Variants in TTC27 observed in about 807,000 individuals in gnomAD.
TTC27 encodes the protein tetratricopeptide repeat protein 27.
TTC27 carries 79 observed loss-of-function variants against 115.9 expected under a neutral mutation model. That is an observed-to-expected ratio of 0.68 (90% confidence interval 0.57 to 0.82). The LOEUF is 0.82. TTC27 is among the 40% of genes least tolerant of loss of function. TTC27 has a pLI of 0.00. For missense variants in TTC27, 1,054 were observed against 993.1 expected, an observed-to-expected ratio of 1.06 and a Z score of -0.82; for synonymous variants, 401 against 356.0, an observed-to-expected ratio of 1.13 and a Z score of -1.42.
intron 8 of TTC27, among the ~76,000 whole-genome samples, chr2:32,677,136 C>A (rs1666238803): frequency 6.6e-6 from 1 of 152,062 alleles, no homozygotes; most frequent in African/African-American, 2.4e-5. Flanking sequence ...AAAGTGGTAT[C>A]TTATAATAAA....
chr2:32,692,671 A>G (rs1666855436), intron 9 of TTC27, among the ~76,000 whole-genome samples: 1 of 152,116 alleles, frequency 6.6e-6, no homozygotes, highest in South Asian at 2.1e-4. Context: ...GATTTATGAG[A>G]TCTCTATACT....
intron 16 of TTC27, among the ~76,000 whole-genome samples, chr2:32,790,308 TTA>T (rs1670492881): frequency 1.3e-5 from 2 of 152,132 alleles, no homozygotes; most frequent in African/African-American, 4.8e-5. Context: ...CATGCTTATT[TTA>T]ATACAGACAT....
At chr2:32,669,613 G>T (rs528683547) in intron 7 of TTC27, among the ~76,000 whole-genome samples, 1 of 152,110 alleles carries the variant, frequency 6.6e-6, no homozygotes, top group Non-Finnish European at 1.5e-5. Flanking sequence ...GGCCCGGTGT[G>T]GTGGCTCACG....
chr2:32,700,977 T>A (rs1667165596), intron 9 of TTC27, among the ~76,000 whole-genome samples: 2 of 152,246 alleles, frequency 1.3e-5, no homozygotes, highest in Non-Finnish European at 2.9e-5. Flanking sequence ...AAATTCATTC[T>A]TTTTGTAGAT....
At chr2:32,789,832 G>A (rs220657) in intron 16 of TTC27, among the ~76,000 whole-genome samples, 98,493 of 149,242 alleles carry the variant, frequency 0.66, 33,248 homozygotes, top group African/African-American at 0.81. Context: ...AGGTGGGAGG[G>A]TTCCCTGAGG....
chr2:32,767,840 C>T (rs986204951), intron 13 of TTC27, among the ~76,000 whole-genome samples: 1 of 152,142 alleles, frequency 6.6e-6, no homozygotes, highest in Non-Finnish European at 1.5e-5. Context: ...TTACCAGGTA[C>T]ATCAGTATAC....
intron 5 of TTC27, among the ~76,000 whole-genome samples, chr2:32,658,173 A>G (rs941651563): frequency 3.8e-4 from 58 of 152,278 alleles, no homozygotes; most frequent in African/African-American, 1.3e-3. Context: ...CTTAGGCTGG[A>G]GTGCAGTGGT....
intron 8 of TTC27, among the ~76,000 whole-genome samples, chr2:32,672,668 A>T (rs1220816390): frequency 6.6e-6 from 1 of 152,252 alleles, no homozygotes; most frequent in East Asian, 1.9e-4. Context: ...GACAAATGAG[A>T]ATGACTATTT....
intron 6 of TTC27, among the ~76,000 whole-genome samples, chr2:32,666,303 T>C: frequency 6.6e-6 from 1 of 152,072 alleles, no homozygotes; most frequent in Non-Finnish European, 1.5e-5. Context: ...TTTGTTTCTG[T>C]CATCTGTGAA....
rs1158508588 is a variant in TTC27 at position 32,708,304 on chromosome 2, G to GTTTTTTTTTTTTTTT, written c.1233+5392_1233+5406dup. ...AATAGCGTTTTCTTTTCTCTACCTT[G>GTTTTTTTTTTTTTTT]TTTTTTTTTTTTTTTTTTTTTTAAT... On this transcript the variant is annotated intron_variant, in intron 10 of 19. Transcript: ENST00000317907. Among the ~76,000 whole-genome samples the GTTTTTTTTTTTTTTT allele has an allele frequency of 4.0e-3, 248 of 61,348 alleles. 35 individuals are homozygous for GTTTTTTTTTTTTTTT. Among genetic ancestry groups the GTTTTTTTTTTTTTTT allele is most frequent in the Non-Finnish European group, 5.0e-3 (162 of 32,164 alleles). The allele number at this position is 61,348 out of a possible 152,430, so 40.2% of individuals were successfully genotyped here. A position where few individuals can be genotyped will look rare whatever the true frequency, so the allele number is the denominator to read the frequency against.
At chr2:32,770,222 G>A (rs971631161) in intron 13 of TTC27, among the ~76,000 whole-genome samples, 2 of 152,122 alleles carry the variant, frequency 1.3e-5, no homozygotes, top group African/African-American at 4.8e-5. Context: ...TCAGTGCCAG[G>A]TACTGTTCTA....
At chr2:32,806,640 G>C (rs1047239884) in intron 16 of TTC27, among the ~76,000 whole-genome samples, 1 of 152,050 alleles carries the variant, frequency 6.6e-6, no homozygotes, top group Non-Finnish European at 1.5e-5. Context: ...AAATTAGCCG[G>C]GCATGGTGGC....
At chr2:32,662,056 T>A (rs1168997491) in intron 5 of TTC27, among the ~76,000 whole-genome samples, 2 of 152,190 alleles carry the variant, frequency 1.3e-5, no homozygotes, top group Non-Finnish European at 2.9e-5. Context: ...TCTGTTTATG[T>A]GATGGATTAT....
rs539873450 is a variant in TTC27, at chr2:32,645,777, C to T, written c.538-4354C>T. On this transcript the variant is annotated intron_variant, in intron 4 of 19. Coordinates refer to ENST00000317907, the MANE Select transcript of TTC27 (RefSeq NM_017735.5). ...TGTCGCCCAGGCTGGAGTGCAGTGG[C>T]GTGATCTCAGCTCAGTGCAACCTCC... Among the ~76,000 whole-genome samples the T allele has an allele frequency of 2.0e-4, 30 of 146,382 alleles. No individual in the cohort carries two copies. The East Asian group carries it at 4.5e-3, about 22-fold the overall frequency.
Position 32,746,955 on chromosome 2 carries a change from T to TA in TTC27, c.1452+10140dup, listed in dbSNP as rs1668854148. On this transcript the variant is annotated intron_variant, in intron 12 of 19. Transcript: ENST00000317907. Reference sequence around the variant, plus strand: ...AGATCTCAGGGAGAAAGAATTAACTTATCTAACACAAAAATGTGGGATAGA... The same window carrying TA: ...AGATCTCAGGGAGAAAGAATTAACTTAATCTAACACAAAAATGTGGGATAGA... 2.0e-5 allele frequency among the ~76,000 whole-genome samples: 3 copies of TA among 152,212 alleles called. No individual in the cohort carries two copies. The South Asian group carries it at 6.2e-4, about 32-fold the overall frequency.
intron 12 of TTC27, among the ~76,000 whole-genome samples, chr2:32,749,357 C>T (rs929536414): frequency 1.3e-5 from 2 of 152,220 alleles, no homozygotes; most frequent in African/African-American, 2.4e-5. Context: ...ATTCTGCCCC[C>T]TCCAGTGGCT....
chr2:32,680,684 G>A (rs951272266), intron 9 of TTC27, among the ~76,000 whole-genome samples: 6 of 152,154 alleles, frequency 3.9e-5, no homozygotes, highest in Admixed American at 6.5e-5. Context: ...TGGATGCTTG[G>A]CTTTCTCTGA....
rs190916258 is a variant in TTC27 at position 32,708,423 on chromosome 2, T to C, written c.1233+5503T>C. Among the ~76,000 whole-genome samples the C allele has an allele frequency of 1.9e-3, 281 of 150,926 alleles. 2 individuals are homozygous for C. Among genetic ancestry groups the C allele is most frequent in the African/African-American group, 6.5e-3 (268 of 40,998 alleles). On this transcript the variant is annotated intron_variant, in intron 10 of 19. Coordinates refer to ENST00000317907, the MANE Select transcript of TTC27 (RefSeq NM_017735.5). Reference sequence around the variant, plus strand: ...GCCTCCTGGGTTCAAGCGATTCTCTTGCCTCAACCTTCTGAGTAGCTGGGA... The same window carrying C: ...GCCTCCTGGGTTCAAGCGATTCTCTCGCCTCAACCTTCTGAGTAGCTGGGA...
At position 32,753,340 on chromosome 2, in the gene TTC27, G is replaced by A. The variant is rs148791024; in HGVS notation, c.1453-4952G>A. On this transcript the variant is annotated intron_variant, in intron 12 of 19. Transcript: ENST00000317907. The stretch of plus-strand genomic sequence containing the variant: ...AGTCCCAAGCCCACCCAGAGCAATC[G>A]CTAAAGAATATAAAATGATATATAA... Among the ~76,000 whole-genome samples the A allele has an allele frequency of 2.8e-3, 424 of 149,720 alleles. 3 individuals carry two copies. The highest frequency in any genetic ancestry group is 0.01 in the African/African-American group (409 of 40,770).
Sources: gnomAD v4.1 joint callset for allele counts (sites outside exome capture counted in the v4.1 genomes callset) on GRCh38, gnomAD v4.1.1 for gene constraint, MANE v1.5 for transcripts, NCBI Gene and HGNC (gene_info 2026-07-23, HGNC 2026-07-21) for gene names.